FGF14: variants seen among roughly 807,000 people sequenced by gnomAD.
FGF14 encodes fibroblast growth factor 14.
FGF14 carries 5 observed loss-of-function variants against 25.5 expected under a neutral mutation model. The observed-to-expected ratio is 0.20, with a 90% confidence interval of 0.10 to 0.41. The LOEUF is 0.41. Ranked by LOEUF, FGF14 falls within the 10% of genes least tolerant of loss-of-function variation. The pLI is 1.00. For missense variants in FGF14, 222 were observed against 320.1 expected (o/e 0.69, Z 2.34); for synonymous variants, 138 against 118.3 (o/e 1.17, Z -1.08).
intron 1 of FGF14, among the ~76,000 whole-genome samples, chr13:101,952,507 T>A (rs114461831): frequency 0.022 from 3,289 of 152,044 alleles, 102 homozygotes; most frequent in African/African-American, 0.074. Context: ...ATAAGAATAA[T>A]AAATCTGAAT....
At chr13:102,105,738 G>T (rs2044876772) in intron 1 of FGF14, among the ~76,000 whole-genome samples, 1 of 152,162 alleles carries the variant, frequency 6.6e-6, no homozygotes, top group Non-Finnish European at 1.5e-5. Flanking sequence ...TTATTAAGCG[G>T]AAAAAATTAA....
At chr13:101,787,996 C>T (rs1370209388) in intron 3 of FGF14, among the ~76,000 whole-genome samples, 6 of 152,258 alleles carry the variant, frequency 3.9e-5, no homozygotes, top group African/African-American at 2.4e-5. Flanking sequence ...CTCAGCCTCC[C>T]GAGTAGCTGG....
At chr13:102,142,399 A>G (rs923114351) in intron 1 of FGF14, among the ~76,000 whole-genome samples, 1 of 152,160 alleles carries the variant, frequency 6.6e-6, no homozygotes, top group African/African-American at 2.4e-5. Context: ...TCCTTAAAAA[A>G]AAAAATGGAA....
At chr13:102,146,352 GGTAAGCATTA>G (rs922259766) in intron 1 of FGF14, among the ~76,000 whole-genome samples, 69 of 152,260 alleles carry the variant, frequency 4.5e-4, no homozygotes, top group African/African-American at 1.5e-3. Flanking sequence ...TTCATTTTAA[GGTAAGCATTA>G]GTATAGCATG....
intron 1 of FGF14, among the ~76,000 whole-genome samples, chr13:102,187,208 T>C (rs2048912587): frequency 6.6e-6 from 1 of 152,212 alleles, no homozygotes; most frequent in South Asian, 2.1e-4. Flanking sequence ...AATTGCATGA[T>C]TAAACTGCAT....
intron 3 of FGF14, among the ~76,000 whole-genome samples, chr13:101,766,079 T>C (rs1212610073): frequency 6.6e-6 from 1 of 152,176 alleles, no homozygotes. Flanking sequence ...CTCAAAATTG[T>C]GAGCCTCAAT....
chr13:102,051,404 T>C (rs1389055460), intron 1 of FGF14, among the ~76,000 whole-genome samples: 1 of 152,168 alleles, frequency 6.6e-6, no homozygotes, highest in Non-Finnish European at 1.5e-5. Context: ...ACTCTGTGCA[T>C]GCCTGTACTT....
intron 3 of FGF14, among the ~76,000 whole-genome samples, chr13:101,839,901 C>T (rs566807997): frequency 6.6e-6 from 1 of 152,056 alleles, no homozygotes; most frequent in Admixed American, 6.6e-5. Flanking sequence ...AGGCTAGAAC[C>T]TACTCTCTGA....
In FGF14 at chr13:101,733,506, A is replaced by G. The variant is rs893629297; in HGVS notation, c.409-6696T>C. The stretch of plus-strand genomic sequence containing the variant: ...GCTACTCGGGAGGCTGAGGCAGGAG[A>G]CTCACTTGAACCTGGGAGGCAGAGG... On this transcript the variant is annotated intron_variant, in intron 3 of 4. Coordinates refer to ENST00000376143, the MANE Select transcript of FGF14 (RefSeq NM_004115.4). Among the ~76,000 whole-genome samples the G allele has an allele frequency of 2.6e-5, 4 of 151,050 alleles. No individual in the cohort carries two copies. In the South Asian group the frequency reaches 6.3e-4, roughly 24 times the overall value.
intron 1 of FGF14, chr13:102,394,952 A>G (rs2058541998): frequency 6.6e-6 from 1 of 152,332 alleles, no homozygotes; most frequent in South Asian, 2.1e-4. Flanking sequence ...CTTCTGCCAA[A>G]CTTTCTGGTC....
At chr13:101,821,034 G>GC (rs1344512986) in intron 3 of FGF14, among the ~76,000 whole-genome samples, 1 of 145,978 alleles carries the variant, frequency 6.9e-6, no homozygotes, top group African/African-American at 2.5e-5. Context: ...TGCAGGCTCC[G>GC]CCCCCCGGGA....
At chr13:102,167,685 T>C (rs980273881) in intron 1 of FGF14, among the ~76,000 whole-genome samples, 4 of 152,090 alleles carry the variant, frequency 2.6e-5, no homozygotes, top group African/African-American at 4.8e-5. Flanking sequence ...CTGAACCTGT[T>C]GAGTCAAGAA....
chr13:102,106,687 A>G (rs2044939422), intron 1 of FGF14, among the ~76,000 whole-genome samples: 1 of 152,206 alleles, frequency 6.6e-6, no homozygotes, highest in Admixed American at 6.5e-5. Flanking sequence ...CCCAAAGGAC[A>G]TGATCACAAG....
chr13:102,012,230 G>GA lies in FGF14; in HGVS notation c.209-136935dup, dbSNP rs1389060097. Among the ~76,000 whole-genome samples, 3 of 151,962 alleles carry GA rather than the reference G, an allele frequency of 2.0e-5. No individual in the cohort carries two copies. In the East Asian group the frequency reaches 5.8e-4, roughly 29 times the overall value. ...GGGCTGGGGGTGAAGGGGCAGAGAA[G>GA]AAAAGATCATGGTCTCAGCTACACA... On this transcript the variant is annotated intron_variant, in intron 1 of 4. Coordinates refer to the FGF14 transcript ENST00000376131.
intron 1 of FGF14, among the ~76,000 whole-genome samples, chr13:102,329,909 C>A (rs1030656555): frequency 1.3e-5 from 2 of 152,072 alleles, no homozygotes; most frequent in South Asian, 2.1e-4. Context: ...ACTCTTCTGG[C>A]AAAACTCTGA....
At chr13:101,892,146 C>A (rs2029869903) in intron 1 of FGF14, among the ~76,000 whole-genome samples, 1 of 152,094 alleles carries the variant, frequency 6.6e-6, no homozygotes, top group Non-Finnish European at 1.5e-5. Flanking sequence ...GAACACAACA[C>A]AATCCAAAGA....
chr13:102,061,228 G>T (rs1191726428), intron 1 of FGF14, among the ~76,000 whole-genome samples: 1 of 152,238 alleles, frequency 6.6e-6, no homozygotes, highest in East Asian at 1.9e-4. Flanking sequence ...CTTGCTTTAA[G>T]GCAGAAGGTC....
At chr13:102,260,065 A>C (rs2052643620) in intron 1 of FGF14, among the ~76,000 whole-genome samples, 1 of 152,112 alleles carries the variant, frequency 6.6e-6, no homozygotes, top group Admixed American at 6.6e-5. Context: ...TCAGGCAAGA[A>C]AGAGCGGGGA....
chr13:102,142,959 T>C (rs2046705536), intron 1 of FGF14, among the ~76,000 whole-genome samples: 1 of 152,200 alleles, frequency 6.6e-6, no homozygotes, highest in African/African-American at 2.4e-5. Flanking sequence ...ACACACCTTC[T>C]GCACCTTCTA....
Sources: allele counts gnomAD v4.1 joint callset (sites outside exome capture counted in the v4.1 genomes callset), GRCh38; gene constraint gnomAD v4.1.1; transcripts MANE v1.5; gene names NCBI Gene and HGNC (gene_info 2026-07-23, HGNC 2026-07-21).